TMEM132B: variants seen among roughly 807,000 people sequenced by gnomAD.
TMEM132B encodes the protein transmembrane protein 132B.
TMEM132B carries 18 observed loss-of-function variants against 90.8 expected under a neutral mutation model. The observed-to-expected ratio is 0.20, with a 90% CI of 0.14 to 0.29. The LOEUF is 0.29. Among genes scored for constraint, TMEM132B ranks in the 10% least tolerant of loss-of-function variants. The pLI is 1.00. For synonymous variants in TMEM132B, 504 were observed against 523.3 expected (o/e 0.96, Z 0.50); for missense variants, 1,096 against 1,326.8 (o/e 0.83, Z 2.70).
intron 5 of TMEM132B, among the ~76,000 whole-genome samples, chr12:125,604,827 G>A (rs1304303010): frequency 6.6e-6 from 1 of 152,198 alleles, no homozygotes. Flanking sequence ...GCACTTTGTG[G>A]CAGACAATTT....
chr12:125,292,640 G>T (rs1875571833), intron 1 of TMEM132B, among the ~76,000 whole-genome samples: 2 of 152,318 alleles, frequency 1.3e-5, no homozygotes, highest in South Asian at 4.1e-4. Flanking sequence ...AAGACATTAG[G>T]ACTTGGTCTC....
chr12:125,504,588 G>T (rs1188161723), intron 3 of TMEM132B, among the ~76,000 whole-genome samples: 1 of 152,132 alleles, frequency 6.6e-6, no homozygotes, highest in African/African-American at 2.4e-5. Flanking sequence ...ATTAGCACTG[G>T]TGATTCCTTG....
At chr12:125,612,015 C>T (rs1885840985) in intron 5 of TMEM132B, among the ~76,000 whole-genome samples, 1 of 152,090 alleles carries the variant, frequency 6.6e-6, no homozygotes, top group Non-Finnish European at 1.5e-5. Context: ...AAGACTCCCA[C>T]TAGTATTGTT....
At chr12:125,470,262 C>A (rs1317846813) in intron 3 of TMEM132B, among the ~76,000 whole-genome samples, 1 of 152,162 alleles carries the variant, frequency 6.6e-6, no homozygotes, top group Non-Finnish European at 1.5e-5. Context: ...CTTTCTCAAG[C>A]CCCAACCATC....
intron 1 of TMEM132B, among the ~76,000 whole-genome samples, chr12:125,254,144 G>A (rs1406166941): frequency 6.6e-6 from 1 of 152,108 alleles, no homozygotes; most frequent in African/African-American, 2.4e-5. Context: ...GCAGAAATTA[G>A]CTGGGCCTGT....
chr12:125,266,419 A>G (rs980919361), intron 1 of TMEM132B, among the ~76,000 whole-genome samples: 1 of 152,216 alleles, frequency 6.6e-6, no homozygotes, highest in Non-Finnish European at 1.5e-5. Context: ...GGCACTGGGT[A>G]TTACCTTCCC....
At chr12:125,205,576 G>A (rs1346653790) in intron 1 of TMEM132B, among the ~76,000 whole-genome samples, 1 of 152,250 alleles carries the variant, frequency 6.6e-6, no homozygotes, top group Non-Finnish European at 1.5e-5. Flanking sequence ...TAGACAAGGA[G>A]CCTGAGGCTG....
rs148615378 is a variant in TMEM132B at position 125,511,605 on chromosome 12, C to A, written c.1107-7834C>A. On this transcript the variant is annotated intron_variant, in intron 3 of 8. Coordinates refer to ENST00000682704, the MANE Select transcript of TMEM132B (RefSeq NM_001366854.1). ...GTGGCTCACGCCTGTAATCCCAGCG[C>A]TTTTTGGGAGGCCGAGGTGGGCGGA... Among the ~76,000 whole-genome samples the A allele has an allele frequency of 2.0e-3, 300 of 151,864 alleles. 1 individual carries two copies. The highest frequency in any genetic ancestry group is 6.9e-3 in the African/African-American group (284 of 41,384).
At chr12:125,338,449 C>CT (rs1184996710) in intron 1 of TMEM132B, among the ~76,000 whole-genome samples, 5 of 152,154 alleles carry the variant, frequency 3.3e-5, no homozygotes, top group Admixed American at 6.5e-5. Context: ...GAGGAGTTGC[C>CT]TTTTGAAGAG....
At chr12:125,456,376 CTG>C (rs1455542161) in intron 3 of TMEM132B, among the ~76,000 whole-genome samples, 2 of 152,198 alleles carry the variant, frequency 1.3e-5, no homozygotes, top group Non-Finnish European at 2.9e-5. Flanking sequence ...GTGCTGATAA[CTG>C]TGCATTTTCC....
chr12:125,578,110 A>T (rs990229868), intron 4 of TMEM132B, among the ~76,000 whole-genome samples: 2 of 152,030 alleles, frequency 1.3e-5, no homozygotes, highest in Non-Finnish European at 2.9e-5. Context: ...GATGTCTGTT[A>T]TGTCTTGTTT....
At chr12:125,561,153 A>G (rs1367189872) in intron 4 of TMEM132B, among the ~76,000 whole-genome samples, 3 of 152,246 alleles carry the variant, frequency 2.0e-5, no homozygotes, top group African/African-American at 7.2e-5. Context: ...CTGGATAAAG[A>G]AAATGTGGCA....
chr12:125,299,793 G>T (rs1875772243), intron 1 of TMEM132B, among the ~76,000 whole-genome samples: 1 of 152,158 alleles, frequency 6.6e-6, no homozygotes, highest in African/African-American at 2.4e-5. Context: ...TCTCACCCTG[G>T]TCTAAGTGAC....
At chr12:125,483,134 T>C (rs553418460) in intron 3 of TMEM132B, among the ~76,000 whole-genome samples, 87 of 151,846 alleles carry the variant, frequency 5.7e-4, no homozygotes, top group Non-Finnish European at 1.0e-3. Context: ...TTAGGAGAAA[T>C]ACCTAATGTA....
At chr12:125,436,589 C>A (rs1045313559) in intron 3 of TMEM132B, among the ~76,000 whole-genome samples, 3 of 152,124 alleles carry the variant, frequency 2.0e-5, no homozygotes, top group Non-Finnish European at 2.9e-5. Flanking sequence ...TCGAAGATTG[C>A]CAGCAACCAC....
chr12:125,230,241 G>T (rs1180864056), intron 1 of TMEM132B, among the ~76,000 whole-genome samples: 1 of 152,110 alleles, frequency 6.6e-6, no homozygotes, highest in Admixed American at 6.5e-5. Context: ...AACCTTACAC[G>T]TGAGGCTAAC....
At chr12:125,232,195 T>G (rs1873843768) in intron 1 of TMEM132B, among the ~76,000 whole-genome samples, 1 of 152,224 alleles carries the variant, frequency 6.6e-6, no homozygotes, top group Non-Finnish European at 1.5e-5. Flanking sequence ...GTTTCTAGTT[T>G]TTTTCCTCAT....
At chr12:125,249,244 A>G (rs1177000541) in intron 1 of TMEM132B, among the ~76,000 whole-genome samples, 5 of 152,172 alleles carry the variant, frequency 3.3e-5, no homozygotes, top group Admixed American at 6.5e-5. Context: ...GTTAAATGGC[A>G]TCTGCTGGGC....
chr12:125,451,840 C>T (rs1384814434), intron 3 of TMEM132B, among the ~76,000 whole-genome samples: 1 of 152,230 alleles, frequency 6.6e-6, no homozygotes. Flanking sequence ...GAGGCACTAG[C>T]ATTCCAGGAT....
Sources: gnomAD v4.1 joint callset for allele counts (sites outside exome capture counted in the v4.1 genomes callset) on GRCh38, gnomAD v4.1.1 for gene constraint, MANE v1.5 for transcripts, NCBI Gene and HGNC (gene_info 2026-07-23, HGNC 2026-07-21) for gene names.